Variants in BBS9 observed in about 807,000 individuals in gnomAD.
BBS9 encodes the protein Bardet-Biedl syndrome 9, also known as protein PTHB1.
In BBS9, 89 loss-of-function variants were observed where a neutral mutation model predicts 117.7. That is an observed-to-expected ratio of 0.76 (90% confidence interval 0.64 to 0.90). The LOEUF is 0.90. Ranked by LOEUF, BBS9 falls within the 40% of genes least tolerant of loss-of-function variation. BBS9 has a pLI of 0.00. For missense variants in BBS9, 982 were observed against 1,042.2 expected (o/e 0.94, Z 0.80); for synonymous variants, 379 against 370.9 (o/e 1.02, Z -0.25).
At chr7:33,316,896 T>C (rs1810625206) in intron 9 of BBS9, among the ~76,000 whole-genome samples, 2 of 152,176 alleles carry the variant, frequency 1.3e-5, no homozygotes, top group Admixed American at 1.3e-4. Context: ...TAGTTTATCA[T>C]TTTTCCTTTA....
chr7:33,634,725 G>A (rs1466427752), intron 21 of BBS9, among the ~76,000 whole-genome samples: 1 of 152,220 alleles, frequency 6.6e-6, no homozygotes, highest in African/African-American at 2.4e-5. Flanking sequence ...AGCTGAGGAT[G>A]TGTAAGCATG....
intron 20 of BBS9, among the ~76,000 whole-genome samples, chr7:33,521,896 CT>C (rs1848666295): frequency 8.9e-6 from 1 of 112,382 alleles, no homozygotes; most frequent in African/African-American, 3.3e-5. Context: ...TCCCTCCCCC[CT>C]CCCCCCACCC....
intron 5 of BBS9, among the ~76,000 whole-genome samples, chr7:33,237,246 T>C (rs1228051627): frequency 6.6e-6 from 1 of 152,208 alleles, no homozygotes; most frequent in African/African-American, 2.4e-5. Context: ...TTTACATAAA[T>C]GAGGTCACTC....
intron 5 of BBS9, among the ~76,000 whole-genome samples, chr7:33,209,182 G>C (rs1787545921): frequency 6.6e-6 from 1 of 152,130 alleles, no homozygotes; most frequent in East Asian, 1.9e-4. Flanking sequence ...ACAAATAAGT[G>C]AGAACATGTG....
intron 16 of BBS9, among the ~76,000 whole-genome samples, chr7:33,362,237 C>G (rs1291046878): frequency 6.6e-6 from 1 of 152,130 alleles, no homozygotes; most frequent in Admixed American, 6.5e-5. Context: ...ATTGTCTTAA[C>G]AGAATCTTTG....
intron 1 of BBS9, among the ~76,000 whole-genome samples, chr7:33,144,261 A>G (rs928346667): frequency 2.0e-5 from 3 of 152,218 alleles, no homozygotes; most frequent in Non-Finnish European, 4.4e-5. Flanking sequence ...ATAAAAACAA[A>G]TGACCTTGGT....
At chr7:33,265,174 G>A (rs1465901472) in intron 7 of BBS9, among the ~76,000 whole-genome samples, 1 of 152,070 alleles carries the variant, frequency 6.6e-6, no homozygotes. Flanking sequence ...TACACAAGAA[G>A]GAAGCTAAAT....
intron 4 of BBS9, among the ~76,000 whole-genome samples, chr7:33,162,578 A>G (rs1795028398): frequency 6.6e-6 from 1 of 151,942 alleles, no homozygotes; most frequent in Admixed American, 6.6e-5. Context: ...TAGGTATTTT[A>G]TTCTCTTTGT....
At chr7:33,479,938 T>G (rs535385674) in intron 19 of BBS9, among the ~76,000 whole-genome samples, 2 of 152,340 alleles carry the variant, frequency 1.3e-5, no homozygotes, top group Admixed American at 1.3e-4. Flanking sequence ...GCTTGTTGAT[T>G]AAGTTCCTTA....
At chr7:33,582,595 A>T (rs936958557) in intron 21 of BBS9, among the ~76,000 whole-genome samples, 10 of 152,034 alleles carry the variant, frequency 6.6e-5, no homozygotes, top group Non-Finnish European at 1.2e-4. Flanking sequence ...TACATAGTTA[A>T]CATTTCTGGA....
chr7:33,248,518 A>G (rs1381080887), intron 5 of BBS9, among the ~76,000 whole-genome samples: 1 of 152,182 alleles, frequency 6.6e-6, no homozygotes, highest in Admixed American at 6.5e-5. Context: ...GCATGATGAT[A>G]TGAGTGAAAA....
intron 18 of BBS9, among the ~76,000 whole-genome samples, chr7:33,384,834 A>G (rs537481369): frequency 1.3e-5 from 2 of 152,252 alleles, no homozygotes; most frequent in East Asian, 1.9e-4. Flanking sequence ...GTGTGAACAT[A>G]AAAAGAAAAT....
At chr7:33,379,181 T>C (rs1824476391) in intron 17 of BBS9, among the ~76,000 whole-genome samples, 1 of 152,246 alleles carries the variant, frequency 6.6e-6, no homozygotes, top group Non-Finnish European at 1.5e-5. Context: ...CTACAGTTCT[T>C]TTGGCTTGCA....
chr7:33,219,327 T>G (rs1021188308), intron 5 of BBS9, among the ~76,000 whole-genome samples: 2 of 152,138 alleles, frequency 1.3e-5, no homozygotes, highest in Non-Finnish European at 2.9e-5. Flanking sequence ...CCGCGGCCGG[T>G]CCCATCGACC....
At chr7:33,322,706 T>A (rs1022242478) in intron 9 of BBS9, among the ~76,000 whole-genome samples, 1 of 152,086 alleles carries the variant, frequency 6.6e-6, no homozygotes, top group African/African-American at 2.4e-5. Context: ...CATTGATTTT[T>A]GTATTGTTTT....
intron 9 of BBS9, among the ~76,000 whole-genome samples, chr7:33,298,656 A>T (rs915041441): frequency 1.3e-5 from 2 of 152,322 alleles, no homozygotes; most frequent in African/African-American, 4.8e-5. Flanking sequence ...TGGGCCACTT[A>T]GAAACATCAT....
At chr7:33,236,500 T>G (rs1348409422) in intron 5 of BBS9, among the ~76,000 whole-genome samples, 1 of 151,766 alleles carries the variant, frequency 6.6e-6, no homozygotes, top group Non-Finnish European at 1.5e-5. Flanking sequence ...CTGTCCATTA[T>G]AAGCTTTTCC....
At chr7:33,584,845 A>G (rs980406384) in intron 21 of BBS9, among the ~76,000 whole-genome samples, 4 of 152,180 alleles carry the variant, frequency 2.6e-5, no homozygotes, top group Middle Eastern at 3.4e-3. Context: ...AGAAATGTTA[A>G]ATGTTCTACC....
intron 21 of BBS9, among the ~76,000 whole-genome samples, chr7:33,629,102 T>C (rs1462242890): frequency 6.6e-6 from 1 of 152,224 alleles, no homozygotes; most frequent in African/African-American, 2.4e-5. Context: ...CAAGTCCTTA[T>C]TGAGTGCTCA....
Sources: allele counts gnomAD v4.1 joint callset (sites outside exome capture counted in the v4.1 genomes callset), GRCh38; gene constraint gnomAD v4.1.1; transcripts MANE v1.5; gene names NCBI Gene and HGNC (gene_info 2026-07-23, HGNC 2026-07-21).